SPRED1: variants seen among roughly 807,000 people sequenced by gnomAD.
The protein encoded by SPRED1 is sprouty-related, EVH1 domain-containing protein 1.
SPRED1 carries 18 observed loss-of-function variants against 52.3 expected under a neutral mutation model. That is an observed-to-expected ratio of 0.34 (90% CI 0.24 to 0.51). The LOEUF (loss-of-function observed/expected upper bound fraction) is 0.51. Among genes scored for constraint, SPRED1 ranks in the 20% least tolerant of loss-of-function variants. The probability of loss-of-function intolerance (pLI) is 0.97; values close to 1 mark genes in which losing one functional copy is unlikely to be tolerated. For missense variants in SPRED1, 485 were observed against 551.0 expected (o/e 0.88, Z 1.20); for synonymous variants, 155 against 179.7 (o/e 0.86, Z 1.10).
chr15:38,257,276 T>G (rs1255269069), intron 1 of SPRED1, among the ~76,000 whole-genome samples: 1 of 152,208 alleles, frequency 6.6e-6, no homozygotes, highest in Non-Finnish European at 1.5e-5. Context: ...TCCCTACTTT[T>G]GTTTGTATGC....
chr15:38,323,423 C>T (rs1895644514), intron 3 of SPRED1, among the ~76,000 whole-genome samples: 1 of 151,896 alleles, frequency 6.6e-6, no homozygotes, highest in Admixed American at 6.6e-5. Flanking sequence ...GTGTTCTTAA[C>T]CTTGGCTACA....
chr15:38,306,213 C>T (rs1895247573), intron 2 of SPRED1, among the ~76,000 whole-genome samples: 1 of 152,092 alleles, frequency 6.6e-6, no homozygotes, highest in South Asian at 2.1e-4. Context: ...CATGGTATTT[C>T]CTTACTGAGT....
rs1191906973 is a variant in SPRED1, at chr15:38,322,572, A to C, written c.376+163A>C. On this transcript the variant is annotated intron_variant, in intron 3 of 6. Transcript: ENST00000299084. ...TCACAATAGATGAAGATAAAATAAT[A>C]GATTCCTTAACGTGATTTGTATTTG... 4.6e-5 allele frequency among the ~76,000 whole-genome samples: 7 copies of C among 152,324 alleles called. No individual in the cohort carries two copies. In the South Asian group the frequency reaches 6.2e-4, roughly 14 times the overall value.
In SPRED1 at chr15:38,325,101, G is replaced by A. The variant is rs75373471; in HGVS notation, c.423+292G>A. ...AACCCACCCACCTCCCCACAGTGCT[G>A]GGATCATAGGCCTGAGCCACCGTGC... On this transcript the variant is annotated intron_variant, in intron 4 of 6. Transcript: ENST00000299084. Among the ~76,000 whole-genome samples the A allele has an allele frequency of 0.044, 6,660 of 151,964 alleles. 244 individuals are homozygous for A. Among genetic ancestry groups the A allele is most frequent in the African/African-American group, 0.09 (3,716 of 41,350 alleles).
intron 1 of SPRED1, among the ~76,000 whole-genome samples, chr15:38,278,456 G>A (rs931745406): frequency 5.3e-5 from 8 of 152,100 alleles, no homozygotes; most frequent in Admixed American, 2.6e-4. Flanking sequence ...GCACTCCAGC[G>A]TGGATGACAC....
At chr15:38,313,377 T>C (rs1278539044) in intron 2 of SPRED1, among the ~76,000 whole-genome samples, 1 of 152,002 alleles carries the variant, frequency 6.6e-6, no homozygotes, top group Non-Finnish European at 1.5e-5. Context: ...GCAGTTATTT[T>C]ATAGAATGTT....
Position 38,341,807 on chromosome 15 carries a change from A to G in SPRED1, c.582+1912A>G, listed in dbSNP as rs545494349. Among the ~76,000 whole-genome samples the G allele has an allele frequency of 3.3e-5, 5 of 152,194 alleles. No homozygotes were observed. In the East Asian group the frequency reaches 7.7e-4, roughly 23 times the overall value. On this transcript the variant is annotated intron_variant, in intron 5 of 6. Coordinates refer to ENST00000299084, the MANE Select transcript of SPRED1 (RefSeq NM_152594.3). ...TTATGTGCATTAAAAAAGAATGCAC[A>G]TTTTTAGTAGTTGGGTATAGCAGCC... is the stretch of plus-strand genomic sequence containing the variant.
chr15:38,255,811 G>A (rs2140945307), intron 1 of SPRED1, among the ~76,000 whole-genome samples: 1 of 151,996 alleles, frequency 6.6e-6, no homozygotes, highest in South Asian at 2.1e-4. Flanking sequence ...CTTTTTTAAA[G>A]CCATTGCTCA....
At position 38,258,774 on chromosome 15, in the gene SPRED1, A is replaced by G. The variant is rs557911968; in HGVS notation, c.32+5557A>G. On this transcript the variant is annotated intron_variant, in intron 1 of 6. Transcript: ENST00000299084. ...GGTAACTAGAATGTTTTTAAATGCT[A>G]TATTATAAATAGAATTTAAGTGCTC... 2.6e-5 allele frequency among the ~76,000 whole-genome samples: 4 copies of G among 152,318 alleles called. No individual in the cohort carries two copies. In the East Asian group the frequency reaches 5.8e-4, roughly 22 times the overall value.
chr15:38,315,618 C>G (rs902286046), intron 2 of SPRED1, among the ~76,000 whole-genome samples: 122 of 146,496 alleles, frequency 8.3e-4, no homozygotes, highest in South Asian at 1.5e-3. Context: ...GAACTTTTTT[C>G]AGATGAAGGA....
At chr15:38,310,653 T>C (rs1484611803) in intron 2 of SPRED1, among the ~76,000 whole-genome samples, 1 of 152,230 alleles carries the variant, frequency 6.6e-6, no homozygotes, top group Non-Finnish European at 1.5e-5. Context: ...ATAGATCTTA[T>C]ATGTTTTGTT....
At chr15:38,265,509 A>G (rs1894289733) in intron 1 of SPRED1, among the ~76,000 whole-genome samples, 1 of 152,160 alleles carries the variant, frequency 6.6e-6, no homozygotes, top group African/African-American at 2.4e-5. Context: ...AAATTCCAAC[A>G]TTAGAAAAAA....
At chr15:38,325,450 GT>G (rs147425691) in intron 4 of SPRED1, among the ~76,000 whole-genome samples, 9 of 148,988 alleles carry the variant, frequency 6.0e-5, no homozygotes, top group South Asian at 2.1e-4. Context: ...AGTTTCTGGG[GT>G]TTTTTTTTTC....
chr15:38,271,062 C>G (rs564287492), intron 1 of SPRED1, among the ~76,000 whole-genome samples: 21 of 152,192 alleles, frequency 1.4e-4, no homozygotes, highest in African/African-American at 4.6e-4. Context: ...AATGATTCTT[C>G]TGGTGATATG....
At chr15:38,278,831 T>TTTTTTTG (rs1894621156) in intron 1 of SPRED1, among the ~76,000 whole-genome samples, 1 of 147,814 alleles carries the variant, frequency 6.8e-6, no homozygotes, top group Non-Finnish European at 1.5e-5. Flanking sequence ...CTACACTGTT[T>TTTTTTTG]TTTTTTTTTT....
At chr15:38,283,569 T>A in intron 1 of SPRED1, 1 of 887,052 alleles carries the variant, frequency 1.1e-6, no homozygotes, top group Non-Finnish European at 1.4e-6. Context: ...CATAGAAAAT[T>A]GTAGAAAATG....
chr15:38,256,931 A>G (rs1391297195), intron 1 of SPRED1, among the ~76,000 whole-genome samples: 3 of 152,170 alleles, frequency 2.0e-5, no homozygotes, highest in Non-Finnish European at 2.9e-5. Context: ...TGGTGTATAC[A>G]TAATATAAAA....
At chr15:38,350,591 C>G (rs963358441) in intron 6 of SPRED1, among the ~76,000 whole-genome samples, 1 of 152,140 alleles carries the variant, frequency 6.6e-6, no homozygotes, top group Non-Finnish European at 1.5e-5. Context: ...TAACCCATTC[C>G]AGCATCAACT....
chr15:38,291,279 T>C (rs1468017790), intron 1 of SPRED1, among the ~76,000 whole-genome samples: 21 of 152,204 alleles, frequency 1.4e-4, no homozygotes. Flanking sequence ...CTTGGGCATC[T>C]CTGCCCATGT....
Sources: allele counts gnomAD v4.1 joint callset (sites outside exome capture counted in the v4.1 genomes callset), GRCh38; gene constraint gnomAD v4.1.1; transcripts MANE v1.5; gene names NCBI Gene and HGNC (gene_info 2026-07-23, HGNC 2026-07-21).